The following INPP4B variants were observed in gnomAD, a reference collection of about 807,000 sequenced individuals.
INPP4B encodes the protein inositol polyphosphate 4-phosphatase type II.
In INPP4B, 55 loss-of-function variants were observed where a neutral mutation model predicts 122.5. The observed-to-expected ratio is 0.45, with a 90% CI of 0.36 to 0.56. The LOEUF (loss-of-function observed/expected upper bound fraction) is 0.56. INPP4B is among the 20% of genes least tolerant of loss of function. The probability of loss-of-function intolerance (pLI) is 0.00; values close to 1 mark genes in which losing one functional copy is unlikely to be tolerated. For synonymous variants in INPP4B, 403 were observed against 388.7 expected (o/e 1.04, Z -0.43); for missense variants, 1,000 against 1,097.7 (o/e 0.91, Z 1.26).
chr4:142,310,082 C>T (rs1332352283), intron 8 of INPP4B, among the ~76,000 whole-genome samples: 2 of 152,122 alleles, frequency 1.3e-5, no homozygotes, highest in Non-Finnish European at 2.9e-5. Flanking sequence ...GCCAAACCTC[C>T]ATCATTCATA....
chr4:142,114,916 A>G (rs1396715975), intron 21 of INPP4B, among the ~76,000 whole-genome samples: 1 of 152,136 alleles, frequency 6.6e-6, no homozygotes, highest in Admixed American at 6.6e-5. Context: ...ACCTCGAAAA[A>G]AGATTAGACA....
chr4:142,053,658 A>C (rs911441960), intron 25 of INPP4B, among the ~76,000 whole-genome samples: 1 of 152,038 alleles, frequency 6.6e-6, no homozygotes, highest in Non-Finnish European at 1.5e-5. Context: ...ATTAACCTGA[A>C]TCTCCCAATT....
At chr4:142,719,520 C>T (rs1286209177) in intron 2 of INPP4B, among the ~76,000 whole-genome samples, 1 of 151,766 alleles carries the variant, frequency 6.6e-6, no homozygotes. Context: ...AATGGGGTTT[C>T]GCGATGTTGC....
At chr4:142,612,295 G>C (rs929190449) in intron 2 of INPP4B, among the ~76,000 whole-genome samples, 7 of 152,184 alleles carry the variant, frequency 4.6e-5, no homozygotes, top group African/African-American at 1.7e-4. Flanking sequence ...AAAATATTAA[G>C]ACTCTTGCTT....
chr4:142,477,423 A>C (rs368336869), intron 2 of INPP4B, among the ~76,000 whole-genome samples: 2 of 152,100 alleles, frequency 1.3e-5, no homozygotes, highest in Non-Finnish European at 2.9e-5. Context: ...CACTAGCAAA[A>C]GAGAAGAAAT....
intron 7 of INPP4B, among the ~76,000 whole-genome samples, chr4:142,379,478 C>G (rs951748957): frequency 6.6e-6 from 1 of 152,158 alleles, no homozygotes; most frequent in Non-Finnish European, 1.5e-5. Context: ...TGCCTTGGTA[C>G]ACATAACTTT....
chr4:142,393,649 T>A (rs552378411), intron 7 of INPP4B, among the ~76,000 whole-genome samples: 1 of 152,344 alleles, frequency 6.6e-6, no homozygotes, highest in East Asian at 1.9e-4. Flanking sequence ...TCCTTGTGGA[T>A]GAACTGCAAC....
intron 17 of INPP4B, among the ~76,000 whole-genome samples, chr4:142,147,046 C>T (rs1811153604): frequency 6.6e-6 from 1 of 152,178 alleles, no homozygotes; most frequent in African/African-American, 2.4e-5. Context: ...TCTCTTCCTA[C>T]ATCATCTAGC....
At chr4:142,744,306 A>T (rs142114273) in intron 1 of INPP4B, among the ~76,000 whole-genome samples, 107 of 152,000 alleles carry the variant, frequency 7.0e-4, no homozygotes, top group African/African-American at 2.5e-3. Context: ...AATGAACAGA[A>T]ATGGGGGACA....
chr4:142,635,905 C>A (rs1178282906), intron 2 of INPP4B, among the ~76,000 whole-genome samples: 1 of 152,042 alleles, frequency 6.6e-6, no homozygotes, highest in Non-Finnish European at 1.5e-5. Context: ...TCTACAAAAT[C>A]TACAAAAATA....
intron 2 of INPP4B, among the ~76,000 whole-genome samples, chr4:142,620,544 C>A (rs1744681194): frequency 6.6e-6 from 1 of 151,868 alleles, no homozygotes; most frequent in Non-Finnish European, 1.5e-5. Flanking sequence ...GATAAACTAC[C>A]TATCAGGTAC....
At chr4:142,457,494 A>G (rs1436647882) in intron 3 of INPP4B, among the ~76,000 whole-genome samples, 1 of 152,192 alleles carries the variant, frequency 6.6e-6, no homozygotes, top group Non-Finnish European at 1.5e-5. Context: ...CACTACACCA[A>G]AGAAAACATA....
intron 23 of INPP4B, among the ~76,000 whole-genome samples, chr4:142,097,111 T>A (rs945672173): frequency 3.3e-5 from 5 of 152,090 alleles, no homozygotes; most frequent in African/African-American, 7.2e-5. Context: ...CACTATAGAT[T>A]AGGGTTTGCA....
At chr4:142,532,555 T>C (rs1257370177) in intron 2 of INPP4B, among the ~76,000 whole-genome samples, 2 of 152,112 alleles carry the variant, frequency 1.3e-5, no homozygotes, top group African/African-American at 2.4e-5. Flanking sequence ...ATTATTTGAG[T>C]AATGGCTGCC....
chr4:142,732,404 ATTTCT>A (rs1009078210), intron 1 of INPP4B, among the ~76,000 whole-genome samples: 35 of 152,118 alleles, frequency 2.3e-4, no homozygotes, highest in African/African-American at 8.2e-4. Flanking sequence ...ATTTTAATTC[ATTTCT>A]TTTAATAAAT....
chr4:142,774,363 G>A (rs143912956), intron 1 of INPP4B, among the ~76,000 whole-genome samples: 2 of 152,076 alleles, frequency 1.3e-5, no homozygotes, highest in African/African-American at 4.8e-5. Context: ...ATCATTAAAA[G>A]GTAGTGCTGC....
At chr4:142,190,069 GATGAC>G (rs1409889411) in intron 15 of INPP4B, among the ~76,000 whole-genome samples, 1 of 152,092 alleles carries the variant, frequency 6.6e-6, no homozygotes, top group East Asian at 1.9e-4. Context: ...TCTTTTCTCA[GATGAC>G]AGTATTTTAT....
In INPP4B at chr4:142,086,264, G is replaced by A. The variant is rs1776679727; in HGVS notation, c.2375-8C>T. 1 of 1,445,608 alleles carries A rather than the reference G, an allele frequency of 6.9e-7. No homozygotes were observed. The highest frequency in any genetic ancestry group is 9.7e-7 in the Non-Finnish European group (1 of 1,028,808). The allele number at this position is 1,445,608 out of a possible 1,614,324, so 89.5% of individuals were successfully genotyped here. ...CCTGAAAATGTGAAATATCTGAAGG[G>A]GAAAAAACAAAGGAGAAAAATAAAA... On this transcript the variant is annotated splice_polypyrimidine_tract_variant and splice_region_variant and intron_variant, in intron 23 of 25. Transcript: ENST00000262992.
intron 12 of INPP4B, 26 bp downstream of exon 12, chr4:142,237,838 G>A (rs756046491): frequency 1.3e-5 from 17 of 1,349,174 alleles, no homozygotes; most frequent in Non-Finnish European, 1.7e-5. Flanking sequence ...TAATTAATAT[G>A]AGAGAAAATA....
Sources: allele counts gnomAD v4.1 joint callset (sites outside exome capture counted in the v4.1 genomes callset), GRCh38; gene constraint gnomAD v4.1.1; transcripts MANE v1.5; gene names NCBI Gene and HGNC (gene_info 2026-07-23, HGNC 2026-07-21).